AMPD1: variants seen among roughly 807,000 people sequenced by gnomAD.
AMPD1 encodes AMP deaminase 1.
A neutral mutation model predicts 82.9 loss-of-function variants in AMPD1; 74 were observed. The ratio of observed to expected loss-of-function variants is 0.89; its 90% CI spans 0.74 to 1.08. AMPD1 has a LOEUF of 1.08. AMPD1 is among the 50% of genes least tolerant of loss of function. AMPD1 has a pLI of 0.00. For missense variants in AMPD1, 881 were observed against 924.5 expected (o/e 0.95, Z 0.61); for synonymous variants, 333 against 320.5 (o/e 1.04, Z -0.42).
At position 114,677,428 on chromosome 1, in the gene AMPD1, G is replaced by T. The variant is rs1251963104; in HGVS notation, c.1311C>A (p.Ser437Arg). The T allele has an allele frequency of 6.2e-7, 1 of 1,612,456 alleles. No individual in the cohort carries two copies. Among genetic ancestry groups the T allele is most frequent in the Non-Finnish European group, 8.5e-7 (1 of 1,179,716 alleles). ...TGCAGACGAACCAGGAGGAGAGTTT[G>T]CTCCACTCATCAGGACTGCGGCCAT... ...SIYGRSPDEW[S>R]KLSSWFVCNR... is the part of the protein sequence containing the mutation. The change falls in exon 10 of 16, where the codon AGC becomes AGA. Residue 437 changes from serine (S) to arginine (R), a missense_variant. Transcript: ENST00000520113.
At chr1:114,681,901 A>G (rs1283433027) in intron 5 of AMPD1, among the ~76,000 whole-genome samples, 1 of 152,232 alleles carries the variant, frequency 6.6e-6, no homozygotes, top group Non-Finnish European at 1.5e-5. Flanking sequence ...AATGTAAAAA[A>G]GAGATATAAA....
Position 114,677,534 on chromosome 1 carries a change from G to A in AMPD1, c.1225-20C>T, listed in dbSNP as rs756630481. The A allele has an allele frequency of 3.7e-6, 6 of 1,613,650 alleles. No individual in the cohort carries two copies. The highest frequency in any genetic ancestry group is 4.2e-6 in the Non-Finnish European group (5 of 1,179,916). On this transcript the variant is annotated intron_variant, in intron 9 of 15. Transcript: ENST00000520113. ...TACCTCCTGCAAAGCCAAGAGAGAA[G>A]TCCAAGCCAGGGATTCCCACAAGTT...
chr1:114,677,608 A>G (rs766776996), intron 9 of AMPD1, 94 bp from the exon 10 acceptor site: 1 of 1,540,762 alleles, frequency 6.5e-7, no homozygotes, highest in Admixed American at 1.8e-5. Flanking sequence ...TCTTCCTTTC[A>G]GAATCTGAAA....
In AMPD1 at chr1:114,684,326, C is replaced by T. The variant is rs753639051; in HGVS notation, c.420G>A (p.Leu140=). 1.2e-6 allele frequency: 2 copies of T among 1,613,588 alleles called. No individual in the cohort carries two copies. Among genetic ancestry groups the T allele is most frequent in the East Asian group, 2.2e-5 (1 of 44,866 alleles). Residue 140 remains leucine (L), a synonymous_variant, in exon 5 of 16, where the codon CTG becomes CTA. Transcript: ENST00000520113. ...TCTCACGTATGCATAGTGCCCGATA[C>T]AGACCTTTGCAAACAATTTCAAAAT... ...VEDFEIVCKG[L]YRALCIREKY...
At position 114,673,228 on chromosome 1, in the gene AMPD1, A is replaced by G. The variant is rs768206349; in HGVS notation, c.2130T>C (p.Pro710=). 2 of 1,614,172 alleles carry G rather than the reference A, an allele frequency of 1.2e-6. No individual in the cohort carries two copies. Among genetic ancestry groups the G allele is most frequent in the Non-Finnish European group, 1.7e-6 (2 of 1,180,008 alleles). Residue 710 remains proline, a synonymous_variant, in exon 16 of 16, where the codon CCT becomes CCC. Transcript: ENST00000520113. The stretch of plus-strand genomic sequence containing the variant: ...TTGTCCTCCGGATATCATTTCCAGC[A>G]GGGCCTTCCTCAAGGTAATTGTCGC... ...FLGDNYLEEG[P]AGNDIRRTNV...
intron 10 of AMPD1, 122 bp from the exon 11 acceptor site, chr1:114,676,125 G>C (rs1413374491): frequency 1.6e-5 from 18 of 1,160,842 alleles, no homozygotes; most frequent in Non-Finnish European, 2.3e-5. Flanking sequence ...ATCTATCCTA[G>C]GTCCATGCTC....
chr1:114,677,631 TAATC>T (rs1658028225), intron 9 of AMPD1, 117 bp from the exon 10 acceptor site: 1 of 1,402,624 alleles, frequency 7.1e-7, no homozygotes, highest in Non-Finnish European at 9.9e-7. Flanking sequence ...GCTAGGTCCT[TAATC>T]AATCTCAAAA....
intron 4 of AMPD1, among the ~76,000 whole-genome samples, chr1:114,686,435 C>A (rs1658319530): frequency 6.6e-6 from 1 of 152,056 alleles, no homozygotes; most frequent in Non-Finnish European, 1.5e-5. Flanking sequence ...GAGACTTGAC[C>A]ACTCTACTGC....
At chr1:114,688,522 A>G in intron 3 of AMPD1, 39 bp downstream of exon 3, 1 of 1,605,568 alleles carries the variant, frequency 6.2e-7, no homozygotes. Flanking sequence ...ACCCCTCCTT[A>G]GGTGCCAATA....
At chr1:114,683,688 G>A (rs1658228070) in intron 5 of AMPD1, among the ~76,000 whole-genome samples, 1 of 152,186 alleles carries the variant, frequency 6.6e-6, no homozygotes, top group Non-Finnish European at 1.5e-5. Context: ...AGTGAGCCGA[G>A]AGGGTGCCGC....
intron 3 of AMPD1, among the ~76,000 whole-genome samples, 182 bp downstream of exon 3, chr1:114,688,379 C>T (rs1344639442): frequency 2.6e-5 from 4 of 152,290 alleles, no homozygotes; most frequent in East Asian, 3.9e-4. Flanking sequence ...CCACCCACCT[C>T]GGCCTCCCAG....
At chr1:114,693,507 G>T in intron 1 of AMPD1, 60 bp from the exon 2 acceptor site, 3 of 1,478,572 alleles carry the variant, frequency 2.0e-6, no homozygotes, top group South Asian at 1.1e-5. Flanking sequence ...AATCATGGTG[G>T]CTATTAATCA....
At chr1:114,691,508 C>T (rs180704633) in intron 2 of AMPD1, among the ~76,000 whole-genome samples, 1 of 152,002 alleles carries the variant, frequency 6.6e-6, no homozygotes, top group African/African-American at 2.4e-5. Context: ...GTTGAGGCTG[C>T]AGTAAGCCAC....
rs762334770 is a variant in AMPD1, at chr1:114,677,526, A to G, written c.1225-12T>C. On this transcript the variant is annotated splice_polypyrimidine_tract_variant and intron_variant, in intron 9 of 15. Coordinates refer to ENST00000520113, the MANE Select transcript of AMPD1 (RefSeq NM_000036.3). ...TCCGCACCTACCTCCTGCAAAGCCA[A>G]GAGAGAAGTCCAAGCCAGGGATTCC... 1.4e-5 allele frequency: 23 copies of G among 1,613,546 alleles called. No individual in the cohort carries two copies. In the Middle Eastern group the frequency reaches 8.2e-4, roughly 58 times the overall value.
chr1:114,680,867 C>T (rs575838060), intron 5 of AMPD1, among the ~76,000 whole-genome samples: 2 of 152,236 alleles, frequency 1.3e-5, no homozygotes, highest in Admixed American at 6.5e-5. Flanking sequence ...ACTCAGGAGG[C>T]TGAGGCGAGA....
chr1:114,673,657 C>T lies in AMPD1; in HGVS notation c.2067G>A (p.Gln689=). Residue 689 remains glutamine, a synonymous_variant, in exon 15 of 16, where the codon CAG becomes CAA. Coordinates refer to ENST00000520113, the MANE Select transcript of AMPD1 (RefSeq NM_000036.3). ...MCEVARNSVL[Q]CGISHEEKVK... is the part of the protein sequence containing the mutation. ...GGTCTACCTCATGAGAAATTCCACA[C>T]TGCAAGACACTGTTCCTTGCCACTT... 2 of 1,613,886 alleles carry T rather than the reference C, an allele frequency of 1.2e-6. No homozygotes were observed. Among genetic ancestry groups the T allele is most frequent in the Non-Finnish European group, 1.7e-6 (2 of 1,179,812 alleles).
chr1:114,675,096 A>G (rs1254076898), intron 12 of AMPD1: 4 of 599,734 alleles, frequency 6.7e-6, no homozygotes, highest in Non-Finnish European at 1.2e-5. Flanking sequence ...GATTGCCTGG[A>G]TGGAAATACG....
At chr1:114,690,202 T>G (rs1358219151) in intron 2 of AMPD1, among the ~76,000 whole-genome samples, 1 of 152,222 alleles carries the variant, frequency 6.6e-6, no homozygotes, top group Admixed American at 6.5e-5. Flanking sequence ...TCTTCCTCTA[T>G]TTCCATTTCT....
chr1:114,690,715 TACTGCCA>T (rs528884443), intron 2 of AMPD1, among the ~76,000 whole-genome samples: 1,997 of 152,256 alleles, frequency 0.013, 16 homozygotes, highest in Non-Finnish European at 0.02. Context: ...CTCCACACCC[TACTGCCA>T]ACTGATCCCC....
Sources: gnomAD v4.1 joint callset for allele counts (sites outside exome capture counted in the v4.1 genomes callset) on GRCh38, gnomAD v4.1.1 for gene constraint, MANE v1.5 for transcripts, NCBI Gene and HGNC (gene_info 2026-07-23, HGNC 2026-07-21) for gene names.